The following LRRIQ1 variants were observed in gnomAD, a reference collection of about 807,000 sequenced individuals.
LRRIQ1 encodes leucine-rich repeat- and IQ domain-containing protein 1.
In LRRIQ1, 210 loss-of-function variants were observed where a neutral mutation model predicts 211.9. That is an observed-to-expected ratio of 0.99 (90% CI 0.89 to 1.11). The LOEUF is 1.11. Among genes scored for constraint, LRRIQ1 ranks in the 50% most tolerant of loss-of-function variants. LRRIQ1 has a pLI of 0.00. For synonymous variants in LRRIQ1, 699 were observed against 650.1 expected, an observed-to-expected ratio of 1.08 and a Z score of -1.14; for missense variants, 2,136 against 1,939.5, an observed-to-expected ratio of 1.10 and a Z score of -1.90.
intron 24 of LRRIQ1, among the ~76,000 whole-genome samples, chr12:85,173,584 AC>A (rs1891523993): frequency 6.6e-6 from 1 of 151,682 alleles, no homozygotes; most frequent in African/African-American, 2.4e-5. Flanking sequence ...CTCCCTGCTC[AC>A]TCAGAAAGCT....
intron 18 of LRRIQ1, among the ~76,000 whole-genome samples, chr12:85,135,015 C>T (rs1423653434): frequency 6.6e-6 from 1 of 151,988 alleles, no homozygotes; most frequent in Non-Finnish European, 1.5e-5. Context: ...TTATTTTTCA[C>T]TATCACCAAA....
chr12:85,145,659 T>A (rs1889841553), intron 19 of LRRIQ1, among the ~76,000 whole-genome samples: 2 of 151,676 alleles, frequency 1.3e-5, no homozygotes, highest in African/African-American at 4.8e-5. Context: ...AATGTCTTCC[T>A]AGTAGTCTTG....
At chr12:85,145,320 A>G (rs953098194) in intron 19 of LRRIQ1, among the ~76,000 whole-genome samples, 1 of 151,680 alleles carries the variant, frequency 6.6e-6, no homozygotes, top group Non-Finnish European at 1.5e-5. Flanking sequence ...CCAAAAGCCT[A>G]GATCAACTGT....
chr12:85,104,077 G>T lies in LRRIQ1; in HGVS notation c.3283G>T (p.Asp1095Tyr). ...KLDVSHNCLS[D>Y]LKSAIKWFDA... ...AGATGTCAGCCACAATTGTCTTTCT[G>T]GTAAGTTTAGCATAATATATATATT... Residue 1095 changes from aspartate to tyrosine, a missense_variant and splice_region_variant, in exon 14 of 27, where the codon GAT becomes TAT. Transcript: ENST00000393217. The T allele has an allele frequency of 2.0e-6, 3 of 1,502,160 alleles. No homozygotes were observed. The highest frequency in any genetic ancestry group is 1.9e-5 in the Admixed American group (1 of 51,886). 93.1% of individuals were successfully genotyped at this position (1,502,160 alleles called of 1,614,324 possible).
At chr12:85,206,848 C>G (rs1309757251) in intron 24 of LRRIQ1, among the ~76,000 whole-genome samples, 1 of 152,096 alleles carries the variant, frequency 6.6e-6, no homozygotes, top group Non-Finnish European at 1.5e-5. Context: ...TCAAACGGGC[C>G]TCATCTCACA....
chr12:85,098,331 G>A (rs1230179840), intron 11 of LRRIQ1, 24 bp from the exon 12 acceptor site: 1 of 1,498,184 alleles, frequency 6.7e-7, no homozygotes, highest in Non-Finnish European at 9.2e-7. Flanking sequence ...TGACACAGGT[G>A]ATCTTATAAC....
chr12:85,073,170 T>C, intron 11 of LRRIQ1, 72 bp downstream of exon 11: 1 of 1,050,860 alleles, frequency 9.5e-7, no homozygotes, highest in South Asian at 1.7e-5. Context: ...GGGTTGGATC[T>C]AGGCAGTCAC....
At chr12:85,262,896 A>G (rs2137343555) in intron 1 of LRRIQ1, 1 of 962,746 alleles carries the variant, frequency 1.0e-6, no homozygotes, top group East Asian at 1.1e-4. Context: ...GAAAGTGTAT[A>G]TTTAATATCA....
intron 18 of LRRIQ1, among the ~76,000 whole-genome samples, chr12:85,131,589 T>G (rs1319565829): frequency 6.6e-6 from 1 of 152,144 alleles, no homozygotes; most frequent in Non-Finnish European, 1.5e-5. Flanking sequence ...TTAATGTTAC[T>G]TAACATAGGA....
intron 24 of LRRIQ1, among the ~76,000 whole-genome samples, chr12:85,201,692 T>C (rs1238708297): frequency 1.3e-5 from 2 of 152,052 alleles, no homozygotes; most frequent in Admixed American, 6.6e-5. Context: ...TAAAAAAAAT[T>C]AGTCTAGCTA....
chr12:85,117,436 A>AGTTGT (rs1887661371), intron 15 of LRRIQ1, among the ~76,000 whole-genome samples: 1 of 152,162 alleles, frequency 6.6e-6, no homozygotes, highest in African/African-American at 2.4e-5. Flanking sequence ...GCTTCATATA[A>AGTTGT]CTCCAAAAAG....
intron 24 of LRRIQ1, among the ~76,000 whole-genome samples, chr12:85,217,194 TG>T (rs1417417616): frequency 6.6e-6 from 1 of 151,494 alleles, no homozygotes; most frequent in Non-Finnish European, 1.5e-5. Context: ...ATGCACATAA[TG>T]GGAATTTCAT....
intron 19 of LRRIQ1, among the ~76,000 whole-genome samples, chr12:85,149,374 G>A (rs1162329273): frequency 1.3e-5 from 2 of 151,868 alleles, no homozygotes; most frequent in Non-Finnish European, 2.9e-5. Flanking sequence ...CATATGGCTA[G>A]CCAGTTTTCT....
intron 15 of LRRIQ1, among the ~76,000 whole-genome samples, chr12:85,109,547 T>TA (rs1258661249): frequency 6.6e-6 from 1 of 152,118 alleles, no homozygotes; most frequent in Non-Finnish European, 1.5e-5. Flanking sequence ...AAGTGTACGT[T>TA]AAGCTGTGCA....
chr12:85,195,258 G>A (rs1892833718), intron 24 of LRRIQ1, among the ~76,000 whole-genome samples: 1 of 151,804 alleles, frequency 6.6e-6, no homozygotes, highest in Non-Finnish European at 1.5e-5. Context: ...GGAGGAACTG[G>A]TACCATTCCT....
chr12:85,102,957 A>ATATATATAT (rs1383729830), intron 13 of LRRIQ1, among the ~76,000 whole-genome samples: 19 of 117,364 alleles, frequency 1.6e-4, no homozygotes, highest in African/African-American at 5.5e-4. Context: ...AAAAAAAAAA[A>ATATATATAT]AAATATATAT....
rs1890298449 is a variant in LRRIQ1 at position 85,152,330 on chromosome 12, A to G, written c.4380A>G (p.Ser1460=). ...WLALDSTRFP[S]QTLLLSNQLH... is the part of the protein sequence containing the mutation. ...CATTAGATTCCACCCGCTTCCCTTC[A>G]CAAACACTGCTTCTTTCAAACCAGC... Residue 1460 remains serine (S), a synonymous_variant, in exon 20 of 27, where the codon TCA becomes TCG. Coordinates refer to ENST00000393217, the MANE Select transcript of LRRIQ1 (RefSeq NM_001079910.2). 1.2e-6 allele frequency: 2 copies of G among 1,611,576 alleles called. No individual in the cohort carries two copies. The highest frequency in any genetic ancestry group is 1.7e-6 in the Non-Finnish European group (2 of 1,178,412).
chr12:85,054,827 T>C (rs1880790358), intron 7 of LRRIQ1, among the ~76,000 whole-genome samples: 1 of 152,024 alleles, frequency 6.6e-6, no homozygotes. Context: ...TTCTCAGAAA[T>C]TGGTTCTTCC....
At chr12:85,219,529 T>A (rs947330042) in intron 24 of LRRIQ1, among the ~76,000 whole-genome samples, 1 of 152,100 alleles carries the variant, frequency 6.6e-6, no homozygotes, top group East Asian at 1.9e-4. Flanking sequence ...ATACCCCAAA[T>A]GGACCAATTT....
Sources: allele counts gnomAD v4.1 joint callset (sites outside exome capture counted in the v4.1 genomes callset), GRCh38; gene constraint gnomAD v4.1.1; transcripts MANE v1.5; gene names NCBI Gene and HGNC (gene_info 2026-07-23, HGNC 2026-07-21).